GALNT10: variants seen among roughly 807,000 people sequenced by gnomAD.
The protein encoded by GALNT10 is polypeptide N-acetylgalactosaminyltransferase 10, also known as GalNAc transferase 10.
Under a neutral mutation model 75.0 loss-of-function variants are expected in GALNT10, and 41 were observed. The observed-to-expected ratio is 0.55, with a 90% CI of 0.43 to 0.71. The LOEUF (loss-of-function observed/expected upper bound fraction) is 0.71, where lower values mean the gene tolerates loss of function less well. Among genes scored for constraint, GALNT10 ranks in the 30% least tolerant of loss-of-function variants. GALNT10 has a pLI of 0.00. For missense variants in GALNT10, 727 were observed against 818.5 expected (o/e 0.89, Z 1.36); for synonymous variants, 302 against 313.0 (o/e 0.96, Z 0.37).
At chr5:154,326,890 T>C (rs1054784259) in intron 3 of GALNT10, among the ~76,000 whole-genome samples, 4 of 152,244 alleles carry the variant, frequency 2.6e-5, no homozygotes, top group African/African-American at 9.6e-5. Context: ...TTTTATGGTA[T>C]GTGAATTATA....
At chr5:154,406,904 C>T (rs1054713811) in intron 8 of GALNT10, among the ~76,000 whole-genome samples, 3 of 152,018 alleles carry the variant, frequency 2.0e-5, no homozygotes, top group African/African-American at 4.8e-5. Context: ...CTAATAGCTC[C>T]GAGAGAGCCA....
chr5:154,283,385 G>GC (rs1318101905), intron 1 of GALNT10, among the ~76,000 whole-genome samples: 2 of 151,648 alleles, frequency 1.3e-5, no homozygotes, highest in African/African-American at 4.8e-5. Flanking sequence ...GGAGGTCAAG[G>GC]CTGGAGCTGC....
At chr5:154,384,652 G>A (rs749642169) in intron 6 of GALNT10, among the ~76,000 whole-genome samples, 1 of 152,204 alleles carries the variant, frequency 6.6e-6, no homozygotes, top group African/African-American at 2.4e-5. Context: ...GTTAAGGAAA[G>A]CAGAAATGAG....
chr5:154,230,351 C>T (rs1753129036), intron 1 of GALNT10, among the ~76,000 whole-genome samples: 1 of 152,100 alleles, frequency 6.6e-6, no homozygotes, highest in African/African-American at 2.4e-5. Context: ...TTCCTGTCCC[C>T]AAGGGGTTTA....
intron 7 of GALNT10, among the ~76,000 whole-genome samples, chr5:154,394,834 A>C (rs186547885): frequency 1.3e-4 from 20 of 152,270 alleles, no homozygotes; most frequent in African/African-American, 4.8e-4. Context: ...CCTGGTCCTC[A>C]TTTCTTCCTT....
At chr5:154,399,670 C>T (rs1756117565) in intron 7 of GALNT10, among the ~76,000 whole-genome samples, 1 of 152,210 alleles carries the variant, frequency 6.6e-6, no homozygotes, top group African/African-American at 2.4e-5. Context: ...AGTCCCTATG[C>T]TCAAGACTTT....
chr5:154,354,369 C>T (rs27597), intron 4 of GALNT10, among the ~76,000 whole-genome samples: 68,418 of 152,014 alleles, frequency 0.45, 17,423 homozygotes, highest in East Asian at 0.7. Flanking sequence ...ATGACTGCAG[C>T]TTTCTCTTCA....
Position 154,416,983 on chromosome 5 carries a change from C to G in GALNT10, c.*11C>G, listed in dbSNP as rs778377924. On this transcript the variant is annotated 3_prime_UTR_variant, in exon 12 of 12. Transcript: ENST00000297107. The surrounding 1 kb of genome is among the most constrained non-coding windows in gnomAD (Gnocchi z 4.5). Reference sequence around the variant, plus strand: ...TTCAATAGGAACTGAGCCCTCATGTCCCCTTGGCAGGCCCCCCAGGGTCTG... The same window carrying G: ...TTCAATAGGAACTGAGCCCTCATGTGCCCTTGGCAGGCCCCCCAGGGTCTG... 2.8e-5 allele frequency: 45 copies of G among 1,613,456 alleles called. No individual in the cohort carries two copies. Among genetic ancestry groups the G allele is most frequent in the Admixed American group, 5.0e-5 (3 of 59,998 alleles).
chr5:154,251,116 G>A (rs1238861929), intron 1 of GALNT10, among the ~76,000 whole-genome samples: 1 of 152,064 alleles, frequency 6.6e-6, no homozygotes, highest in African/African-American at 2.4e-5. Flanking sequence ...TTGTTATAAG[G>A]TGAACCCCTT....
At chr5:154,209,969 T>C (rs564410716) in intron 1 of GALNT10, among the ~76,000 whole-genome samples, 29 of 152,336 alleles carry the variant, frequency 1.9e-4, no homozygotes, top group African/African-American at 6.7e-4. Flanking sequence ...TAGCCTCATG[T>C]CTATTCAAGT....
rs563069325 is a variant in GALNT10, at chr5:154,323,442, C to T, written c.402-6130C>T. ...AAAACAGGCTGCCGGATTTGGCCTT[C>T]GGACCATAGTTTTGACTGATCCCTG... On this transcript the variant is annotated intron_variant, in intron 3 of 11. Transcript: ENST00000297107. Among the ~76,000 whole-genome samples, 6 of 152,158 alleles carry T rather than the reference C, an allele frequency of 3.9e-5. No homozygotes were observed. In the East Asian group the frequency reaches 9.6e-4, roughly 24 times the overall value.
intron 1 of GALNT10, among the ~76,000 whole-genome samples, chr5:154,248,342 G>C (rs1753464273): frequency 1.3e-5 from 2 of 152,352 alleles, no homozygotes; most frequent in Admixed American, 1.3e-4. Flanking sequence ...AGTTAGGGAG[G>C]ATTCCCTCTT....
At chr5:154,381,929 C>G (rs1755741080) in intron 6 of GALNT10, among the ~76,000 whole-genome samples, 1 of 152,348 alleles carries the variant, frequency 6.6e-6, no homozygotes, top group Non-Finnish European at 1.5e-5. Flanking sequence ...AGATAACCTC[C>G]CCACCACAAG....
At chr5:154,250,496 G>A (rs939095932) in intron 1 of GALNT10, among the ~76,000 whole-genome samples, 1 of 152,032 alleles carries the variant, frequency 6.6e-6, no homozygotes, top group Non-Finnish European at 1.5e-5. Context: ...TCATATTCCT[G>A]CCACTTCTCT....
chr5:154,419,151 C>T lies in GALNT10; in HGVS notation c.*2179C>T, dbSNP rs1756579640. ...GTGTGTGTTTCTTAATGTCTCATTT[C>T]AAGCAGGAGATGTTGGGTCTGGAGC... On this transcript the variant is annotated 3_prime_UTR_variant, in exon 12 of 12. Coordinates refer to ENST00000297107, the MANE Select transcript of GALNT10 (RefSeq NM_198321.4). 1 of 151,656 alleles carries T rather than the reference C, an allele frequency of 6.6e-6. No individual in the cohort carries two copies. Among genetic ancestry groups the T allele is most frequent in the African/African-American group, 2.4e-5 (1 of 41,182 alleles). The allele number at this position is 151,656 out of a possible 1,614,324, so 9.4% of individuals were successfully genotyped here.
chr5:154,219,838 TCA>T (rs553301418), intron 1 of GALNT10, among the ~76,000 whole-genome samples: 10,158 of 125,478 alleles, frequency 0.081, 414 homozygotes, highest in Middle Eastern at 0.22. Flanking sequence ...TCTCTCTCTC[TCA>T]CACACACACA....
At chr5:154,267,581 C>T (rs1027756274) in intron 1 of GALNT10, among the ~76,000 whole-genome samples, 2 of 152,188 alleles carry the variant, frequency 1.3e-5, no homozygotes, top group African/African-American at 4.8e-5. Context: ...ATTAAGGCCT[C>T]TGGGTTCAAT....
At chr5:154,222,486 G>T (rs1326873622) in intron 1 of GALNT10, among the ~76,000 whole-genome samples, 1 of 152,112 alleles carries the variant, frequency 6.6e-6, no homozygotes, top group African/African-American at 2.4e-5. Flanking sequence ...AAATACTTAG[G>T]AATGGAATGG....
intron 3 of GALNT10, among the ~76,000 whole-genome samples, chr5:154,308,645 G>A (rs6890923): frequency 0.43 from 65,590 of 151,838 alleles, 14,824 homozygotes; most frequent in African/African-American, 0.52. Flanking sequence ...GAGCTAACTA[G>A]ATCAGGAACT....
Sources: gnomAD v4.1 joint callset for allele counts (sites outside exome capture counted in the v4.1 genomes callset) on GRCh38, gnomAD v4.1.1 for gene constraint, Gnocchi (gnomAD v3.1) non-coding constraint, MANE v1.5 for transcripts, NCBI Gene and HGNC (gene_info 2026-07-23, HGNC 2026-07-21) for gene names.